Variants in SLC67A1 observed in about 807,000 individuals in gnomAD.
The protein encoded by SLC67A1 is solute carrier family 67 member A1.
the SLC67A1 span, among the ~76,000 whole-genome samples, chr11:2,905,592 T>G: frequency 6.6e-6 from 1 of 152,174 alleles, no homozygotes; most frequent in African/African-American, 2.4e-5. Flanking sequence ...GACATTTGGG[T>G]TGGTTCCAAG....
At chr11:2,922,014 G>A in the SLC67A1 span, 1 of 983,074 alleles carries the variant, frequency 1.0e-6, no homozygotes, top group African/African-American at 1.6e-5. Flanking sequence ...CCAGTCTGGA[G>A]GTCCCCAGCT....
At chr11:2,905,226 G>A in the SLC67A1 span, among the ~76,000 whole-genome samples, 1 of 152,192 alleles carries the variant, frequency 6.6e-6, no homozygotes, top group African/African-American at 2.4e-5. Context: ...AGGGCAGGGA[G>A]GCTGGAGGTC....
chr11:2,923,597 G>A, the SLC67A1 span, among the ~76,000 whole-genome samples: 20 of 152,348 alleles, frequency 1.3e-4, no homozygotes, highest in South Asian at 4.1e-4. This position sits in a 1 kb window ranked among gnomAD's most constrained non-coding sequence, Gnocchi z 6.5. Context: ...CAAGGCCTTC[G>A]GGGACTGTGA....
the SLC67A1 span, chr11:2,902,062 G>C: frequency 6.6e-6 from 1 of 152,272 alleles, no homozygotes; most frequent in Non-Finnish European, 1.5e-5. Flanking sequence ...CAAGCTGGAG[G>C]GGGCTGGGGC....
chr11:2,914,827 G>A, the SLC67A1 span: 3 of 985,462 alleles, frequency 3.0e-6, no homozygotes, highest in Non-Finnish European at 3.6e-6. Context: ...TGAGGCCAGG[G>A]TCCCAAAGAA....
chr11:2,923,442 G>A, the SLC67A1 span, among the ~76,000 whole-genome samples: 2 of 133,794 alleles, frequency 1.5e-5, no homozygotes, highest in Non-Finnish European at 3.2e-5. This position sits in a 1 kb window ranked among gnomAD's most constrained non-coding sequence, Gnocchi z 6.5. Context: ...TGCCTGTCTG[G>A]GAGGCAGCAG....
At chr11:2,911,488 G>A in the SLC67A1 span, among the ~76,000 whole-genome samples, 1 of 152,112 alleles carries the variant, frequency 6.6e-6, no homozygotes, top group Non-Finnish European at 1.5e-5. Context: ...TCTCTCCAGG[G>A]TGGCCAGGGT....
chr11:2,902,082 CGGGCACGGGGCGAGCCCGCTGGTGGGCG>C, the SLC67A1 span: 1 of 151,996 alleles, frequency 6.6e-6, no homozygotes, highest in East Asian at 1.9e-4. Flanking sequence ...CGGGCGAAGC[CGGGCACGGGGCGAGCCCGCTGGTGGGCG>C]GGGCAGGGGC....
the SLC67A1 span, chr11:2,909,639 G>T: frequency 2.0e-6 from 3 of 1,535,212 alleles, no homozygotes; most frequent in Non-Finnish European, 2.6e-6. Context: ...CCCTGGGCCG[G>T]CTGGGCCTCT....
At chr11:2,914,602 C>T in the SLC67A1 span, 1 of 645,148 alleles carries the variant, frequency 1.6e-6, no homozygotes, top group African/African-American at 2.0e-5. Flanking sequence ...TCCCCCAGCC[C>T]CAGGCTTTCC....
At chr11:2,908,102 A>G in the SLC67A1 span, 3 of 624,182 alleles carry the variant, frequency 4.8e-6, no homozygotes, top group South Asian at 5.7e-5. Context: ...GGGCCCCTCG[A>G]TGGTCATACT....
At chr11:2,902,104 G>A in the SLC67A1 span, 1 of 152,196 alleles carries the variant, frequency 6.6e-6, no homozygotes, top group African/African-American at 2.4e-5. Context: ...GAGCCCGCTG[G>A]TGGGCGGGGC....
At chr11:2,915,554 G>A in the SLC67A1 span, among the ~76,000 whole-genome samples, 4 of 152,206 alleles carry the variant, frequency 2.6e-5, no homozygotes, top group African/African-American at 9.7e-5. Context: ...TGCGGTCTCC[G>A]CGCAGGGTCC....
chr11:2,905,016 G>A, the SLC67A1 span, among the ~76,000 whole-genome samples: 1 of 152,236 alleles, frequency 6.6e-6, no homozygotes, highest in Admixed American at 6.5e-5. Context: ...AGGGAGCACT[G>A]AAGATCTGGG....
At chr11:2,917,564 T>G in the SLC67A1 span, among the ~76,000 whole-genome samples, 7 of 152,274 alleles carry the variant, frequency 4.6e-5, no homozygotes, top group Non-Finnish European at 4.4e-5. Flanking sequence ...CAGAGAGTGG[T>G]ACAGTATTGC....
the SLC67A1 span, chr11:2,908,272 G>A: frequency 9.9e-6 from 16 of 1,613,818 alleles, no homozygotes; most frequent in African/African-American, 2.7e-5. Context: ...CATTGCCTTC[G>A]GCTACCTGCA....
the SLC67A1 span, chr11:2,922,390 G>T: frequency 6.3e-7 from 1 of 1,596,908 alleles, no homozygotes. Flanking sequence ...GAGGAGCCTG[G>T]TCCCGTGAGG....
the SLC67A1 span, chr11:2,919,920 T>C: frequency 1.3e-5 from 2 of 152,702 alleles, no homozygotes; most frequent in East Asian, 1.9e-4. Flanking sequence ...GCAGCTCCGA[T>C]GCGGCAGGTG....
the SLC67A1 span, chr11:2,909,643 G>A: frequency 6.5e-7 from 1 of 1,536,128 alleles, no homozygotes; most frequent in Non-Finnish European, 8.7e-7. Flanking sequence ...GGGCCGGCTG[G>A]GCCTCTGCTT....
Sources: gnomAD v4.1 joint callset for allele counts (sites outside exome capture counted in the v4.1 genomes callset) on GRCh38, gnomAD v4.1.1 for gene constraint, Gnocchi (gnomAD v3.1) non-coding constraint, MANE v1.5 for transcripts, NCBI Gene and HGNC (gene_info 2026-07-23, HGNC 2026-07-21) for gene names.